Variants in SLC25A36 observed in about 807,000 individuals in gnomAD.
SLC25A36 encodes the protein solute carrier family 25 member 36, also known as epididymis secretory sperm binding protein.
A neutral mutation model predicts 35.3 loss-of-function variants in SLC25A36; 24 were observed. The observed-to-expected ratio is 0.68, with a 90% CI of 0.49 to 0.96. SLC25A36 has a LOEUF of 0.96. SLC25A36 is among the 40% of genes least tolerant of loss of function. The pLI is 0.00. For synonymous variants in SLC25A36, 141 were observed against 132.2 expected (o/e 1.07, Z -0.46); for missense variants, 294 against 381.1 (o/e 0.77, Z 1.90).
In SLC25A36 at chr3:140,978,516, T is replaced by C. The variant is rs867996225; in HGVS notation, c.*2063T>C. On this transcript the variant is annotated 3_prime_UTR_variant, in exon 7 of 7. Transcript: ENST00000324194. ...ACCCCACAAATGATTAAGAATGATA[T>C]GAAAACCAGCAGCTAAGGAACATCT... 1 of 152,200 alleles carries C rather than the reference T, an allele frequency of 6.6e-6. No individual in the cohort carries two copies. Among genetic ancestry groups the C allele is most frequent in the Admixed American group, 6.5e-5 (1 of 15,274 alleles). 9.4% of individuals were successfully genotyped at this position (152,200 alleles called of 1,614,324 possible).
chr3:140,968,969 A>G (rs186074389), intron 4 of SLC25A36, among the ~76,000 whole-genome samples: 40 of 151,976 alleles, frequency 2.6e-4, no homozygotes, highest in Non-Finnish European at 5.0e-4. Flanking sequence ...CATTATAGTG[A>G]TGCAGAATAT....
At chr3:140,947,841 A>G (rs1934208027) in intron 1 of SLC25A36, among the ~76,000 whole-genome samples, 1 of 152,378 alleles carries the variant, frequency 6.6e-6, no homozygotes, top group East Asian at 1.9e-4. Flanking sequence ...TTGTCTAAAC[A>G]CTAAAGCTTC....
At chr3:140,951,375 C>A (rs1052214310) in intron 1 of SLC25A36, among the ~76,000 whole-genome samples, 2 of 152,174 alleles carry the variant, frequency 1.3e-5, no homozygotes, top group South Asian at 4.1e-4. Flanking sequence ...CAGAGTGTCA[C>A]CCCTATACTA....
intron 2 of SLC25A36, among the ~76,000 whole-genome samples, chr3:140,958,963 TGTGTG>T (rs1934555592): frequency 1.1e-4 from 2 of 18,630 alleles, no homozygotes; most frequent in African/African-American, 8.5e-4. Flanking sequence ...CAATGTTTTG[TGTGTG>T]TGTGTGTGTG....
chr3:140,943,753 G>A (rs749607001), intron 1 of SLC25A36, among the ~76,000 whole-genome samples: 3 of 152,096 alleles, frequency 2.0e-5, no homozygotes, highest in African/African-American at 4.8e-5. Flanking sequence ...ATTATTCTGC[G>A]TTCAGGATTC....
chr3:140,968,510 A>G, intron 4 of SLC25A36: 1 of 977,608 alleles, frequency 1.0e-6, no homozygotes, highest in Non-Finnish European at 1.2e-6. Flanking sequence ...CTTGGAAATG[A>G]ATTTTAGTTA....
rs180690211 is a variant in SLC25A36 at position 140,944,624 on chromosome 3, A to G, written c.41+2529A>G. Among the ~76,000 whole-genome samples, 28 of 152,110 alleles carry G rather than the reference A, an allele frequency of 1.8e-4. No homozygotes were observed. In the East Asian group the frequency reaches 5.0e-3, roughly 27 times the overall value. ...CTGCATATATCTACAGAGGCAGCTC[A>G]TTTTTTTTCTATTTGAGGGAGATAT... On this transcript the variant is annotated intron_variant, in intron 1 of 6. Coordinates refer to ENST00000324194, the MANE Select transcript of SLC25A36 (RefSeq NM_001104647.3).
intron 4 of SLC25A36, chr3:140,970,367 GTTATT>G (rs995658787): frequency 6.6e-6 from 1 of 151,968 alleles, no homozygotes; most frequent in African/African-American, 2.4e-5. Flanking sequence ...CTGTGATACG[GTTATT>G]TTAACAGTAT....
At chr3:140,944,049 C>A (rs1401456903) in intron 1 of SLC25A36, among the ~76,000 whole-genome samples, 2 of 152,114 alleles carry the variant, frequency 1.3e-5, no homozygotes, top group Non-Finnish European at 2.9e-5. Flanking sequence ...TATAATTTCT[C>A]TTCCTTTGCA....
At chr3:140,967,104 G>T (rs960300827) in intron 4 of SLC25A36, 9 of 450,818 alleles carry the variant, frequency 2.0e-5, no homozygotes, top group Non-Finnish European at 4.0e-5. Flanking sequence ...TTTTATGATA[G>T]CTGTGGAATT....
At chr3:140,944,387 A>G (rs1006533820) in intron 1 of SLC25A36, among the ~76,000 whole-genome samples, 20 of 152,138 alleles carry the variant, frequency 1.3e-4, no homozygotes, top group African/African-American at 4.8e-4. Context: ...CTTTGATCCC[A>G]TTATGCTTTT....
In SLC25A36 at chr3:140,978,160, C is replaced by T. The variant is rs375343085; in HGVS notation, c.*1707C>T. The stretch of plus-strand genomic sequence containing the variant: ...TGTTAAATTCCCCCACTTTAACTTC[C>T]TTGTGATCAACAGTAACTGGATGTT... On this transcript the variant is annotated 3_prime_UTR_variant, in exon 7 of 7. Coordinates refer to ENST00000324194, the MANE Select transcript of SLC25A36 (RefSeq NM_001104647.3). 12 of 152,204 alleles carry T rather than the reference C, an allele frequency of 7.9e-5. No individual in the cohort carries two copies. In the East Asian group the frequency reaches 2.1e-3, roughly 27 times the overall value. The allele number at this position is 152,204 out of a possible 1,614,324, so 9.4% of individuals were successfully genotyped here.
chr3:140,961,141 C>G (rs1050090773), intron 3 of SLC25A36, among the ~76,000 whole-genome samples: 1 of 151,958 alleles, frequency 6.6e-6, no homozygotes, highest in African/African-American at 2.4e-5. Flanking sequence ...TCTTTTCTCT[C>G]TTTAAGAAAA....
intron 5 of SLC25A36, among the ~76,000 whole-genome samples, chr3:140,971,966 G>C (rs1005409430): frequency 6.6e-6 from 1 of 152,050 alleles, no homozygotes; most frequent in Non-Finnish European, 1.5e-5. Flanking sequence ...TCCATCTTCT[G>C]TTATGTTGAA....
chr3:140,975,307 T>C (rs1366751582), intron 6 of SLC25A36, among the ~76,000 whole-genome samples: 1 of 151,770 alleles, frequency 6.6e-6, no homozygotes, highest in Non-Finnish European at 1.5e-5. Context: ...ATAGTCTTGC[T>C]GGGTTCCCCA....
rs1934032667 is a variant in SLC25A36 at position 140,942,332 on chromosome 3, G to A, written c.41+237G>A. On this transcript the variant is annotated intron_variant, in intron 1 of 6. Coordinates refer to ENST00000324194, the MANE Select transcript of SLC25A36 (RefSeq NM_001104647.3). ...CCCGGGCCCGAGGGCGAGAGAGTGA[G>A]GCCCGGGCAAAGAGGGTTGAGGCAT... is the stretch of plus-strand genomic sequence containing the variant. 6 of 414,958 alleles carry A rather than the reference G, an allele frequency of 1.4e-5. No individual in the cohort carries two copies. The South Asian group carries it at 2.0e-4, about 14-fold the overall frequency. 25.7% of individuals were successfully genotyped at this position (414,958 alleles called of 1,614,324 possible). A position where few individuals can be genotyped will look rare whatever the true frequency, so the allele number is the denominator to read the frequency against.
Position 140,963,156 on chromosome 3 carries a change from G to A in SLC25A36, c.314G>A (p.Cys105Tyr). 1 of 1,589,354 alleles carries A rather than the reference G, an allele frequency of 6.3e-7. No individual in the cohort carries two copies. Residue 105 changes from cysteine (C) to tyrosine (Y), a missense_variant, in exon 4 of 7, where the codon TGC becomes TAC. Cys to Tyr is a radical substitution (Grantham distance 194). Coordinates refer to ENST00000324194, the MANE Select transcript of SLC25A36 (RefSeq NM_001104647.3). ...RAIYFAAYSN[C>Y]KEKLNDVFDP... ...ATATACTTTGCTGCTTATTCAAACTGCAAGGAAAAGTTGAATGATGTATTT... is the reference window on the plus strand; with the variant it reads ...ATATACTTTGCTGCTTATTCAAACTACAAGGAAAAGTTGAATGATGTATTT...
chr3:140,974,599 G>A, intron 6 of SLC25A36, among the ~76,000 whole-genome samples: 1 of 152,190 alleles, frequency 6.6e-6, no homozygotes, highest in East Asian at 1.9e-4. Context: ...TTTTATAATA[G>A]CCTATTTCAT....
intron 1 of SLC25A36, among the ~76,000 whole-genome samples, chr3:140,952,883 TTTC>T (rs1163708526): frequency 6.6e-6 from 1 of 152,214 alleles, no homozygotes; most frequent in Non-Finnish European, 1.5e-5. Flanking sequence ...AAGAATACTC[TTTC>T]TTAGGTTTTA....
Sources: gnomAD v4.1 joint callset for allele counts (sites outside exome capture counted in the v4.1 genomes callset) on GRCh38, gnomAD v4.1.1 for gene constraint, MANE v1.5 for transcripts, NCBI Gene and HGNC (gene_info 2026-07-23, HGNC 2026-07-21) for gene names.